JMJD1C: variants seen among roughly 807,000 people sequenced by gnomAD.
JMJD1C encodes the protein jumonji domain containing 1C, also known as jumonji domain-containing protein 1C.
Under a neutral mutation model 245.3 loss-of-function variants are expected in JMJD1C, and 31 were observed. The ratio of observed to expected loss-of-function variants is 0.13; its 90% CI spans 0.09 to 0.17. JMJD1C has a LOEUF of 0.17. JMJD1C is among the 10% of genes least tolerant of loss of function. JMJD1C has a pLI of 1.00. For synonymous variants in JMJD1C, 1,057 were observed against 1,017.4 expected (o/e 1.04, Z -0.74); for missense variants, 2,691 against 3,000.2 (o/e 0.90, Z 2.41).
intron 1 of JMJD1C, among the ~76,000 whole-genome samples, chr10:63,453,231 C>A (rs1451396222): frequency 6.6e-6 from 1 of 152,142 alleles, no homozygotes; most frequent in African/African-American, 2.4e-5. Context: ...GCCGAGATGG[C>A]GCCACTGCAC....
At chr10:63,205,051 A>G in intron 10 of JMJD1C, 1 of 982,044 alleles carries the variant, frequency 1.0e-6, no homozygotes, top group South Asian at 4.7e-5. Flanking sequence ...AAATAAGCAA[A>G]CTGAGAAAAA....
At chr10:63,406,986 T>C (rs1949209048) in intron 1 of JMJD1C, among the ~76,000 whole-genome samples, 1 of 152,110 alleles carries the variant, frequency 6.6e-6, no homozygotes, top group African/African-American at 2.4e-5. Context: ...AAACCAGTGG[T>C]AGCTAACTTA....
chr10:63,457,492 G>A (rs966150836), intron 1 of JMJD1C, among the ~76,000 whole-genome samples: 8 of 152,050 alleles, frequency 5.3e-5, no homozygotes, highest in African/African-American at 4.8e-5. Flanking sequence ...CATAGTACAA[G>A]TAAATTCTAC....
intron 2 of JMJD1C, among the ~76,000 whole-genome samples, chr10:63,307,321 G>A (rs779782094): frequency 2.6e-5 from 4 of 152,140 alleles, no homozygotes; most frequent in Non-Finnish European, 4.4e-5. Flanking sequence ...ATATTTCAAT[G>A]TTTCATCATA....
At chr10:63,419,923 G>C (rs1221599905) in intron 1 of JMJD1C, among the ~76,000 whole-genome samples, 1 of 151,434 alleles carries the variant, frequency 6.6e-6, no homozygotes, top group Non-Finnish European at 1.5e-5. Context: ...AGATCACAAG[G>C]TCAGGAGTTT....
chr10:63,407,820 C>T (rs1418644037), intron 1 of JMJD1C, among the ~76,000 whole-genome samples: 2 of 124,572 alleles, frequency 1.6e-5, no homozygotes, highest in Admixed American at 7.5e-5. Context: ...GAGAAACAAA[C>T]AAAAAAAAAA....
At chr10:63,240,450 G>C (rs1170495874) in intron 3 of JMJD1C, among the ~76,000 whole-genome samples, 1 of 152,224 alleles carries the variant, frequency 6.6e-6, no homozygotes, top group Non-Finnish European at 1.5e-5. Flanking sequence ...CAGTAGGACA[G>C]TGATGCACAC....
intron 2 of JMJD1C, among the ~76,000 whole-genome samples, chr10:63,367,207 T>A (rs560420395): frequency 1.3e-4 from 20 of 152,230 alleles, no homozygotes; most frequent in Non-Finnish European, 2.5e-4. Context: ...CCTAAACAAA[T>A]CTGCTTTATT....
chr10:63,309,494 CAA>C (rs71025153), intron 2 of JMJD1C, among the ~76,000 whole-genome samples: 73 of 49,404 alleles, frequency 1.5e-3, no homozygotes, highest in African/African-American at 5.9e-3. Context: ...GACTCCATCT[CAA>C]AAAAAAAAAA....
chr10:63,208,270 A>C lies in JMJD1C; in HGVS notation c.3399T>G (p.Pro1133=). 6.2e-7 allele frequency: 1 copy of C among 1,614,056 alleles called. No homozygotes were observed. The highest frequency in any genetic ancestry group is 8.5e-7 in the Non-Finnish European group (1 of 1,179,992). Residue 1133 remains proline (P), a synonymous_variant, in exon 10 of 26, where the codon CCT becomes CCG. Coordinates refer to ENST00000399262, the MANE Select transcript of JMJD1C (RefSeq NM_032776.3). ...ATGTTATAAATGAAGTCAGAGTTTG[A>C]GGATTAGCTGCTGCCGCTGCAAGGG... ...SNALAAAAAN[P]QTLTSFITSL...
At chr10:63,339,239 A>T (rs1801677179) in intron 2 of JMJD1C, among the ~76,000 whole-genome samples, 1 of 152,212 alleles carries the variant, frequency 6.6e-6, no homozygotes, top group South Asian at 2.1e-4. Context: ...GCAAATACAG[A>T]CATCTTAGGA....
In JMJD1C at chr10:63,213,973, A is replaced by G; in HGVS notation, c.2194T>C (p.Phe732Leu). ...SETGANHISP[F>L]LSQHPFPLHS... ...AGAGGAAAAGGATGCTGGCTTAGGA[A>G]AGGTGAAATATGATTAGCTCCTGTT... Residue 732 changes from phenylalanine (F) to leucine (L), a missense_variant, in exon 8 of 26, where the codon TTC (phenylalanine) becomes CTC (leucine). Phe to Leu is a conservative substitution (Grantham distance 22). Transcript: ENST00000399262. The G allele has an allele frequency of 1.2e-6, 2 of 1,614,186 alleles. No individual in the cohort carries two copies. The highest frequency in any genetic ancestry group is 1.7e-6 in the Non-Finnish European group (2 of 1,180,010).
rs951898335 is a variant in JMJD1C, at chr10:63,167,861, C to T, written c.*184G>A. 2.8e-5 allele frequency: 14 copies of T among 506,446 alleles called. No individual in the cohort carries two copies. The highest frequency in any genetic ancestry group is 4.9e-5 in the Non-Finnish European group (14 of 283,564). 31.4% of individuals were successfully genotyped at this position (506,446 alleles called of 1,614,324 possible). A position where few individuals can be genotyped will look rare whatever the true frequency, so the allele number is the denominator to read the frequency against. ...TTTTAAAATTCTGCTTGTTTTATAA[C>T]ATTGAATCACAGGAGCTGTGACATA... On this transcript the variant is annotated 3_prime_UTR_variant, in exon 26 of 26. Coordinates refer to ENST00000399262, the MANE Select transcript of JMJD1C (RefSeq NM_032776.3).
At chr10:63,377,477 G>C (rs1946838139) in intron 2 of JMJD1C, among the ~76,000 whole-genome samples, 1 of 152,142 alleles carries the variant, frequency 6.6e-6, no homozygotes, top group South Asian at 2.1e-4. Flanking sequence ...ACTCATGCCT[G>C]TAATCCCAGC....
chr10:63,394,187 CAA>C (rs35007475), intron 1 of JMJD1C, among the ~76,000 whole-genome samples: 16 of 80,112 alleles, frequency 2.0e-4, no homozygotes, highest in Non-Finnish European at 2.3e-4. Context: ...ACTCCGTCTC[CAA>C]AAAAAAAAAA....
chr10:63,419,564 A>G (rs2132725641), intron 1 of JMJD1C, among the ~76,000 whole-genome samples: 1 of 152,176 alleles, frequency 6.6e-6, no homozygotes, highest in East Asian at 1.9e-4. Context: ...CAAGAAATAG[A>G]CTTGGTGGCT....
At chr10:63,323,532 G>A (rs1941160843) in intron 2 of JMJD1C, among the ~76,000 whole-genome samples, 1 of 151,948 alleles carries the variant, frequency 6.6e-6, no homozygotes, top group Non-Finnish European at 1.5e-5. Flanking sequence ...AAAGAAAGGG[G>A]GGAAAGAAAC....
chr10:63,214,043 A>G lies in JMJD1C; in HGVS notation c.2124T>C (p.Asn708=). The G allele has an allele frequency of 6.2e-7, 1 of 1,614,182 alleles. No individual in the cohort carries two copies. The highest frequency in any genetic ancestry group is 8.5e-7 in the Non-Finnish European group (1 of 1,180,020). ...GATCTCTGTAAACTGTAAAATGCTC[A>G]TTTTTATCAATGATAAGAGGACTCT... ...TTKSPLIIDK[N]EHFTVYRDPA... The change falls in exon 8 of 26, where the codon AAT becomes AAC. Residue 708 remains asparagine (N), a synonymous_variant. Coordinates refer to ENST00000399262, the MANE Select transcript of JMJD1C (RefSeq NM_032776.3).
intron 1 of JMJD1C, among the ~76,000 whole-genome samples, chr10:63,442,185 G>A (rs1005193989): frequency 6.6e-6 from 1 of 152,074 alleles, no homozygotes; most frequent in Non-Finnish European, 1.5e-5. Context: ...GCCATTACAG[G>A]GTAAAGAGTA....
Sources: allele counts gnomAD v4.1 joint callset (sites outside exome capture counted in the v4.1 genomes callset), GRCh38; gene constraint gnomAD v4.1.1; transcripts MANE v1.5; gene names NCBI Gene and HGNC (gene_info 2026-07-23, HGNC 2026-07-21).